The following RINT1 variants were observed in gnomAD, a reference collection of about 807,000 sequenced individuals.
RINT1 encodes RAD50-interacting protein 1.
Under a neutral mutation model 97.7 loss-of-function variants are expected in RINT1, and 75 were observed. The observed-to-expected ratio is 0.77, with a 90% confidence interval of 0.64 to 0.93. The LOEUF (loss-of-function observed/expected upper bound fraction) is 0.93, where lower values mean the gene tolerates loss of function less well. RINT1 is among the 40% of genes least tolerant of loss of function. The pLI, the probability that RINT1 is intolerant of heterozygous loss-of-function variation, is 0.00. For synonymous variants in RINT1, 303 were observed against 326.3 expected (o/e 0.93, Z 0.77); for missense variants, 892 against 925.2 (o/e 0.96, Z 0.47).
chr7:105,532,279 G>A lies in RINT1; in HGVS notation c.-37G>A. 6.4e-7 allele frequency: 1 copy of A among 1,557,776 alleles called. No individual in the cohort carries two copies. The highest frequency in any genetic ancestry group is 8.7e-7 in the Non-Finnish European group (1 of 1,155,594). ...TTAGCCAGACTCCACAGGCCACGCT[G>A]GCTGCGAATGGAGCCGAGGACTCGC... On this transcript the variant is annotated 5_prime_UTR_variant, in exon 1 of 15. Coordinates refer to ENST00000257700, the MANE Select transcript of RINT1 (RefSeq NM_021930.6).
chr7:105,559,627 A>G (rs1195715367), intron 11 of RINT1, among the ~76,000 whole-genome samples: 1 of 151,024 alleles, frequency 6.6e-6, no homozygotes, highest in East Asian at 2.0e-4. Flanking sequence ...AGGCTGAGGC[A>G]GGAGAATAGC....
At chr7:105,564,250 G>T (rs1209087451) in intron 12 of RINT1, among the ~76,000 whole-genome samples, 1 of 152,034 alleles carries the variant, frequency 6.6e-6, no homozygotes. Flanking sequence ...ACCACACAAG[G>T]CTAATTTTTG....
intron 4 of RINT1, among the ~76,000 whole-genome samples, chr7:105,545,514 G>A (rs556759141): frequency 4.2e-5 from 6 of 143,716 alleles, no homozygotes; most frequent in Admixed American, 1.4e-4. Flanking sequence ...TGTAATATTT[G>A]TATATATATA....
In RINT1 at chr7:105,548,568, C is replaced by T. The variant is rs1441995300; in HGVS notation, c.854C>T (p.Thr285Ile). 6.2e-7 allele frequency: 1 copy of T among 1,614,084 alleles called. No homozygotes were observed. The highest frequency in any genetic ancestry group is 2.2e-5 in the East Asian group (1 of 44,870). The change falls in exon 7 of 15, where the codon ACT becomes ATT. Residue 285 changes from threonine to isoleucine, a missense_variant. Physicochemically the swap from Thr to Ile is moderately conservative, Grantham distance 89 (BLOSUM62 -1). Coordinates refer to ENST00000257700, the MANE Select transcript of RINT1 (RefSeq NM_021930.6). ...GATTATGTCAGAGATGAATTACTTA[C>T]TGAGCCAAAGCAACTCCCAGAAAAA... ...LKLQTSDELL[T>I]EPKQLPEKYS...
At chr7:105,559,540 C>CAAAAAA (rs60718751) in intron 11 of RINT1, among the ~76,000 whole-genome samples, 14 of 59,018 alleles carry the variant, frequency 2.4e-4, no homozygotes, top group Non-Finnish European at 3.2e-4. Context: ...GACTCTGTCT[C>CAAAAAA]AAAAAAAAAA....
At position 105,563,885 on chromosome 7, in the gene RINT1, C is replaced by T. The variant is rs1017773319; in HGVS notation, c.1824C>T (p.Thr608=). The T allele has an allele frequency of 6.2e-7, 1 of 1,613,756 alleles. No homozygotes were observed. Among genetic ancestry groups the T allele is most frequent in the African/African-American group, 1.3e-5 (1 of 74,810 alleles). The change falls in exon 12 of 15, where the codon ACC becomes ACT. Residue 608 remains threonine, a synonymous_variant. Coordinates refer to ENST00000257700, the MANE Select transcript of RINT1 (RefSeq NM_021930.6). ...LLERLKHDML[T]RQVDHVFREV... is the part of the protein sequence containing the mutation. ...AACGTTTAAAGCATGATATGTTGAC[C>T]CGTCAAGTAGACCACGTTTTTAGAG...
chr7:105,532,220 C>T lies in RINT1; in HGVS notation c.-96C>T, dbSNP rs540967025. On this transcript the variant is annotated 5_prime_UTR_variant, in exon 1 of 15. Coordinates refer to ENST00000257700, the MANE Select transcript of RINT1 (RefSeq NM_021930.6). ...GTCGCTGTGGCACTCAGTCCTACGGCCTCCGAGGCTGGGTAGTGAGTGTGT... is the reference window on the plus strand; with the variant it reads ...GTCGCTGTGGCACTCAGTCCTACGGTCTCCGAGGCTGGGTAGTGAGTGTGT... 32 of 1,373,626 alleles carry T rather than the reference C, an allele frequency of 2.3e-5. No homozygotes were observed. The highest frequency in any genetic ancestry group is 3.2e-5 in the Non-Finnish European group (32 of 1,008,264). 85.1% of individuals were successfully genotyped at this position (1,373,626 alleles called of 1,614,324 possible).
rs1276648393 is a variant in RINT1, at chr7:105,532,278, T to C, written c.-38T>C. On this transcript the variant is annotated 5_prime_UTR_variant, in exon 1 of 15. Coordinates refer to ENST00000257700, the MANE Select transcript of RINT1 (RefSeq NM_021930.6). ...CTTAGCCAGACTCCACAGGCCACGC[T>C]GGCTGCGAATGGAGCCGAGGACTCG... 6.4e-7 allele frequency: 1 copy of C among 1,557,110 alleles called. No homozygotes were observed.
At chr7:105,557,552 AAAGCATT>A (rs1262879823) in intron 11 of RINT1, among the ~76,000 whole-genome samples, 2 of 152,178 alleles carry the variant, frequency 1.3e-5, no homozygotes, top group African/African-American at 2.4e-5. Context: ...GGAAGTCTAG[AAAGCATT>A]AAATTTTAAA....
intron 6 of RINT1, among the ~76,000 whole-genome samples, chr7:105,548,240 G>A (rs1454340594): frequency 6.6e-6 from 1 of 151,880 alleles, no homozygotes; most frequent in Admixed American, 6.6e-5. Context: ...TATTGCCTAG[G>A]CACGTCTCAA....
chr7:105,564,099 AT>A, intron 12 of RINT1, 152 bp downstream of exon 12: 90 of 630,916 alleles, frequency 1.4e-4, no homozygotes, highest in Admixed American at 1.8e-4. Flanking sequence ...TCTCTTGGAC[AT>A]TTTTTTTGAG....
chr7:105,547,541 G>A (rs1490675302), intron 6 of RINT1, among the ~76,000 whole-genome samples: 1 of 151,970 alleles, frequency 6.6e-6, no homozygotes, highest in Non-Finnish European at 1.5e-5. Context: ...AAGAGTTCCG[G>A]GATACATGAC....
chr7:105,566,250 A>T (rs1791735121), intron 14 of RINT1: 5 of 152,178 alleles, frequency 3.3e-5, no homozygotes, highest in Admixed American at 2.0e-4. Context: ...AAAAAAAAAA[A>T]AATTACAAAT....
intron 11 of RINT1, among the ~76,000 whole-genome samples, chr7:105,555,784 C>T (rs1791151887): frequency 6.6e-6 from 1 of 151,910 alleles, no homozygotes. Flanking sequence ...AGTTGGAGAC[C>T]AACCTGGGCA....
chr7:105,535,764 C>T, intron 2 of RINT1: 1 of 318,058 alleles, frequency 3.1e-6, no homozygotes, highest in Admixed American at 4.1e-5. Context: ...TCTAGAACTT[C>T]TGGGCTCAAG....
At chr7:105,563,988 TAA>T (rs1188375036) in intron 12 of RINT1, 41 bp downstream of exon 12, 17 of 1,433,600 alleles carry the variant, frequency 1.2e-5, no homozygotes, top group South Asian at 1.1e-4. Flanking sequence ...ACCAGTTTGG[TAA>T]AAGTTAAAGA....
chr7:105,542,703 C>CCA, intron 4 of RINT1, 54 bp downstream of exon 4: 1 of 1,570,866 alleles, frequency 6.4e-7, no homozygotes. Flanking sequence ...AGGCTTCTGT[C>CCA]TTAGAGAGTA....
intron 11 of RINT1, among the ~76,000 whole-genome samples, chr7:105,556,185 G>A (rs756650153): frequency 2.4e-4 from 36 of 151,462 alleles, no homozygotes; most frequent in Non-Finnish European, 1.0e-4. Context: ...TCCTGCCTCA[G>A]CCTCCTGAGT....
At chr7:105,538,256 G>T (rs1379372635) in intron 3 of RINT1, among the ~76,000 whole-genome samples, 1 of 152,172 alleles carries the variant, frequency 6.6e-6, no homozygotes, top group East Asian at 1.9e-4. Context: ...CTCCCAAAAT[G>T]CTAGGGTTAC....
Sources: gnomAD v4.1 joint callset for allele counts (sites outside exome capture counted in the v4.1 genomes callset) on GRCh38, gnomAD v4.1.1 for gene constraint, MANE v1.5 for transcripts, NCBI Gene and HGNC (gene_info 2026-07-23, HGNC 2026-07-21) for gene names.